CHN2: variants seen among roughly 807,000 people sequenced by gnomAD.
CHN2 encodes beta-chimaerin.
Under a neutral mutation model 56.3 loss-of-function variants are expected in CHN2, and 35 were observed. The observed-to-expected ratio is 0.62, with a 90% CI of 0.47 to 0.82. The LOEUF (loss-of-function observed/expected upper bound fraction) is 0.82. Ranked by LOEUF, CHN2 falls within the 40% of genes least tolerant of loss-of-function variation. The probability of loss-of-function intolerance (pLI) is 0.00; values close to 1 mark genes in which losing one functional copy is unlikely to be tolerated. For missense variants in CHN2, 491 were observed against 580.5 expected (o/e 0.85, Z 1.58); for synonymous variants, 210 against 212.8 (o/e 0.99, Z 0.12).
intron 1 of CHN2, among the ~76,000 whole-genome samples, chr7:29,323,178 GA>G (rs112084048): frequency 0.042 from 4,054 of 95,490 alleles, 188 homozygotes; most frequent in African/African-American, 0.13. Flanking sequence ...AACAAAAAAA[GA>G]AAGTGCTTGC....
At position 29,461,779 on chromosome 7, in the gene CHN2, A is replaced by G. The variant is rs569517152; in HGVS notation, c.577-18500A>G. On this transcript the variant is annotated intron_variant, in intron 6 of 12. Transcript: ENST00000222792. The stretch of plus-strand genomic sequence containing the variant: ...GGAATTGTCCACTTAATGTTGCTTG[A>G]TTGTCTGACTGGTTTGTTGGTTAAC... Among the ~76,000 whole-genome samples the G allele has an allele frequency of 9.9e-5, 15 of 151,954 alleles. No homozygotes were observed. In the East Asian group the frequency reaches 2.9e-3, roughly 30 times the overall value.
At chr7:29,158,882 T>A (rs1429326993) in intron 2 of CHN2, among the ~76,000 whole-genome samples, 1 of 152,210 alleles carries the variant, frequency 6.6e-6, no homozygotes, top group Non-Finnish European at 1.5e-5. Context: ...AAACATTCCT[T>A]TGGGGGCTTT....
At chr7:29,501,735 C>G (rs887636028) in intron 9 of CHN2, among the ~76,000 whole-genome samples, 3 of 152,108 alleles carry the variant, frequency 2.0e-5, no homozygotes, top group Admixed American at 2.0e-4. Flanking sequence ...TGTATGACAC[C>G]CGCATTCCCA....
chr7:29,310,840 C>T (rs1246957329), intron 1 of CHN2, among the ~76,000 whole-genome samples: 1 of 152,136 alleles, frequency 6.6e-6, no homozygotes, highest in Non-Finnish European at 1.5e-5. Flanking sequence ...AATCATCTCC[C>T]AAAAGCCCCT....
intron 1 of CHN2, among the ~76,000 whole-genome samples, chr7:29,275,179 T>G (rs1267812391): frequency 3.3e-5 from 5 of 152,210 alleles, no homozygotes; most frequent in Non-Finnish European, 4.4e-5. Flanking sequence ...GTTTTGAGAA[T>G]GAAAAGGTAG....
At chr7:29,504,682 CTT>C (rs200507124) in intron 9 of CHN2, 60 bp from the exon 10 acceptor site, 4,060 of 872,640 alleles carry the variant, frequency 4.7e-3, no homozygotes, top group East Asian at 0.01. Flanking sequence ...TGAAATTAGT[CTT>C]TTTTTTTTTT....
At chr7:29,237,413 T>C (rs1192256599) in intron 1 of CHN2, among the ~76,000 whole-genome samples, 2 of 152,206 alleles carry the variant, frequency 1.3e-5, no homozygotes, top group African/African-American at 2.4e-5. Context: ...TTTGGAGGAA[T>C]ATGACATACC....
chr7:29,425,162 G>T (rs569117026), intron 6 of CHN2, among the ~76,000 whole-genome samples: 3 of 152,322 alleles, frequency 2.0e-5, no homozygotes, highest in Admixed American at 6.5e-5. Context: ...TAGGATGAAA[G>T]ACCCAGCCCC....
rs542930263 is a variant in CHN2, at chr7:29,294,084, T to C, written c.50-60541T>C. Among the ~76,000 whole-genome samples the C allele has an allele frequency of 2.3e-3, 357 of 152,130 alleles. 2 individuals carry two copies. Among genetic ancestry groups the C allele is most frequent in the African/African-American group, 8.3e-3 (344 of 41,494 alleles). On this transcript the variant is annotated intron_variant, in intron 1 of 12. Transcript: ENST00000222792. ...GGTTTCACCGTGTTAGCGAGGATGG[T>C]CTCGATCTCCTGACCTCGTGATCTG...
chr7:29,303,568 C>A (rs79894988), intron 1 of CHN2, among the ~76,000 whole-genome samples: 9,259 of 152,162 alleles, frequency 0.061, 957 homozygotes, highest in African/African-American at 0.21. Context: ...AGGGCCCTTC[C>A]GTAGGGACTC....
intron 12 of CHN2, among the ~76,000 whole-genome samples, chr7:29,511,891 T>TTTA (rs1791481930): frequency 6.6e-6 from 1 of 152,068 alleles, no homozygotes; most frequent in South Asian, 2.1e-4. Flanking sequence ...CAGTTTGAAT[T>TTTA]TTATTCTTAA....
At chr7:29,405,164 T>TTCACCATACACACAC (rs71557406) in intron 6 of CHN2, among the ~76,000 whole-genome samples, 1 of 105,128 alleles carries the variant, frequency 9.5e-6, no homozygotes, top group African/African-American at 3.3e-5. Context: ...TATGTCACCA[T>TTCACCATACACACAC]ACACACACAC....
intron 1 of CHN2, among the ~76,000 whole-genome samples, chr7:29,266,911 T>C (rs1225978314): frequency 6.6e-6 from 1 of 151,342 alleles, no homozygotes; most frequent in African/African-American, 2.4e-5. Context: ...TCTCCTCTTT[T>C]GGAAGAGCAC....
At chr7:29,276,977 T>G (rs1791276546) in intron 1 of CHN2, among the ~76,000 whole-genome samples, 1 of 152,220 alleles carries the variant, frequency 6.6e-6, no homozygotes, top group African/African-American at 2.4e-5. Flanking sequence ...GCCATGCCCC[T>G]GGCTCAGCTG....
intron 1 of CHN2, among the ~76,000 whole-genome samples, chr7:29,260,429 GGGTAACCTTCT>G (rs1305730397): frequency 6.6e-6 from 1 of 152,130 alleles, no homozygotes; most frequent in Admixed American, 6.6e-5. Flanking sequence ...TTGCGGAACT[GGGTAACCTTCT>G]GGAGAGGAGC....
In CHN2 at chr7:29,504,811, A is replaced by G. The variant is rs777096228; in HGVS notation, c.981A>G (p.Ala327=). 6 of 1,611,792 alleles carry G rather than the reference A, an allele frequency of 3.7e-6. No individual in the cohort carries two copies. The highest frequency in any genetic ancestry group is 2.2e-5 in the South Asian group (2 of 91,024). The part of the protein sequence containing the change: ...FTEHIEDVKM[A]FDRDGEKADI... ...AACACATTGAAGATGTCAAAATGGCATTTGACAGAGGTAAGCTTGTACTTT... is the reference window on the plus strand; with the variant it reads ...AACACATTGAAGATGTCAAAATGGCGTTTGACAGAGGTAAGCTTGTACTTT... The change falls in exon 10 of 13, where the codon GCA becomes GCG. Residue 327 remains alanine, a synonymous_variant. Transcript: ENST00000222792.
At chr7:29,199,526 T>A (rs1783993582) in intron 1 of CHN2, 1 of 152,226 alleles carries the variant, frequency 6.6e-6, no homozygotes, top group Non-Finnish European at 1.5e-5. Flanking sequence ...AAATCACACG[T>A]GCACAAATTG....
At chr7:29,512,192 C>T (rs1420144) in intron 12 of CHN2, among the ~76,000 whole-genome samples, 1 of 144,466 alleles carries the variant, frequency 6.9e-6, no homozygotes, top group East Asian at 2.0e-4. Context: ...AAAAAAAAAA[C>T]GCCTTCTGTA....
chr7:29,217,252 A>G (rs1165016038), intron 1 of CHN2, among the ~76,000 whole-genome samples: 3 of 152,216 alleles, frequency 2.0e-5, no homozygotes, highest in Non-Finnish European at 2.9e-5. Context: ...CACGGTAGTT[A>G]TCTGACCTAT....
Sources: gnomAD v4.1 joint callset for allele counts (sites outside exome capture counted in the v4.1 genomes callset) on GRCh38, gnomAD v4.1.1 for gene constraint, MANE v1.5 for transcripts, NCBI Gene and HGNC (gene_info 2026-07-23, HGNC 2026-07-21) for gene names.